Variants in INSL4 observed in about 807,000 individuals in gnomAD.
INSL4 encodes early placenta insulin-like peptide.
Under a neutral mutation model 6.5 loss-of-function variants are expected in INSL4, and 7 were observed. That is an observed-to-expected ratio of 1.08 (90% CI 0.61 to 2.02). The LOEUF (loss-of-function observed/expected upper bound fraction) is 2.02. INSL4 is among the 30% of genes most tolerant of loss of function. The pLI, the probability that INSL4 is intolerant of heterozygous loss-of-function variation, is 0.00. For synonymous variants in INSL4, 82 were observed against 65.8 expected, an observed-to-expected ratio of 1.25 and a Z score of -1.19; for missense variants, 226 against 163.2, an observed-to-expected ratio of 1.38 and a Z score of -2.09.
rs12720 is a variant in INSL4, at chr9:5,231,712, T to A, written c.189T>A (p.Arg63=). ...TPGGWLLESG[R]PKEMVSTSNN... The stretch of plus-strand genomic sequence containing the variant: ...GAGGGTGGCTGCTGGAATCTGGACG[T>A]CCCAAAGGTGAGAGCCCTGGACTAC... The change falls in exon 1 of 2, where the codon CGT becomes CGA. Residue 63 remains arginine, a synonymous_variant. Coordinates refer to ENST00000239316, the MANE Select transcript of INSL4 (RefSeq NM_002195.2). 471,351 of 1,612,428 alleles carry A rather than the reference T, an allele frequency of 0.29. 75,891 individuals are homozygous for A. Among genetic ancestry groups the A allele is most frequent in the African/African-American group, 0.68 (50,565 of 74,880 alleles).
rs1293045611 is a variant in INSL4, at chr9:5,235,118, G to C, written c.*1241G>C. The C allele has an allele frequency of 6.5e-6, 1 of 152,868 alleles. No homozygotes were observed. Among genetic ancestry groups the C allele is most frequent in the Non-Finnish European group, 1.5e-5 (1 of 68,042 alleles). The allele number at this position is 152,868 out of a possible 1,614,324, so 9.5% of individuals were successfully genotyped here. ...CAAAAAGGGACAAGTAGAAGCCCAG[G>C]AAAATGCACAAAGGCCTGGAAGCAT... is the stretch of plus-strand genomic sequence containing the variant. On this transcript the variant is annotated 3_prime_UTR_variant, in exon 2 of 2. Transcript: ENST00000239316.
At position 5,233,983 on chromosome 9, in the gene INSL4, CATT is replaced by C. The variant is rs1474719421; in HGVS notation, c.*111_*113del. The C allele has an allele frequency of 1.7e-5, 13 of 752,860 alleles. No homozygotes were observed. The highest frequency in any genetic ancestry group is 2.7e-5 in the Non-Finnish European group (12 of 444,600). 46.6% of individuals were successfully genotyped at this position (752,860 alleles called of 1,614,324 possible). On this transcript the variant is annotated 3_prime_UTR_variant, in exon 2 of 2. Coordinates refer to ENST00000239316, the MANE Select transcript of INSL4 (RefSeq NM_002195.2). ...TTGCTGTTTATTAGAACATGAGAAT[CATT>C]ATTAGTATTCACATGTTTCACTTGC... is the stretch of plus-strand genomic sequence containing the variant.
intron 1 of INSL4, among the ~76,000 whole-genome samples, chr9:5,233,348 A>G (rs1264982262): frequency 6.6e-6 from 1 of 152,168 alleles, no homozygotes; most frequent in Non-Finnish European, 1.5e-5. Context: ...CATTGAGGTT[A>G]TCAATCAAAA....
Position 5,233,890 on chromosome 9 carries a change from G to T in INSL4, c.*13G>T. 6.5e-7 allele frequency: 1 copy of T among 1,536,336 alleles called. No homozygotes were observed. Among genetic ancestry groups the T allele is most frequent in the Non-Finnish European group, 9.0e-7 (1 of 1,110,032 alleles). On this transcript the variant is annotated 3_prime_UTR_variant, in exon 2 of 2. Transcript: ENST00000239316. Reference sequence around the variant, plus strand: ...ATTATGTACATAGTAGAGTAATCATGGACTGGACATCTCATCCATTCTCAT... The same window carrying T: ...ATTATGTACATAGTAGAGTAATCATTGACTGGACATCTCATCCATTCTCAT...
chr9:5,233,932 A>G lies in INSL4; in HGVS notation c.*55A>G. ...CATTCTCATATGTATTCTCAATGAC[A>G]AATTCACTGATGCCCAATTAAATGA... On this transcript the variant is annotated 3_prime_UTR_variant, in exon 2 of 2. Transcript: ENST00000239316. 1 of 1,132,604 alleles carries G rather than the reference A, an allele frequency of 8.8e-7. No individual in the cohort carries two copies. Among genetic ancestry groups the G allele is most frequent in the South Asian group, 1.3e-5 (1 of 77,330 alleles). The allele number at this position is 1,132,604 out of a possible 1,614,324, so 70.2% of individuals were successfully genotyped here. A position where few individuals can be genotyped will look rare whatever the true frequency, so the allele number is the denominator to read the frequency against.
Position 5,231,727 on chromosome 9 carries a change from C to A in INSL4, c.196+8C>A. ...AATCTGGACGTCCCAAAGGTGAGAG[C>A]CCTGGACTACCAAACAATCAGAATG... On this transcript the variant is annotated splice_region_variant and intron_variant, in intron 1 of 1. Coordinates refer to ENST00000239316, the MANE Select transcript of INSL4 (RefSeq NM_002195.2). The A allele has an allele frequency of 6.2e-7, 1 of 1,611,534 alleles. No individual in the cohort carries two copies. The highest frequency in any genetic ancestry group is 1.7e-5 in the Admixed American group (1 of 59,902).
chr9:5,233,418 T>A (rs948259339), intron 1 of INSL4, among the ~76,000 whole-genome samples: 1 of 151,904 alleles, frequency 6.6e-6, no homozygotes, highest in Non-Finnish European at 1.5e-5. Flanking sequence ...ATTAGAAGAG[T>A]GCATAGAGGG....
chr9:5,233,816 T>C lies in INSL4; in HGVS notation c.359T>C (p.Phe120Ser), dbSNP rs762856645. The C allele has an allele frequency of 4.3e-6, 7 of 1,613,720 alleles. No individual in the cohort carries two copies. The East Asian group carries it at 1.6e-4, about 36-fold the overall frequency. The change falls in exon 2 of 2, where the codon TTT becomes TCT. Residue 120 changes from phenylalanine (F) to serine (S), a missense_variant. Phe to Ser is a radical substitution (Grantham distance 155). Transcript: ENST00000239316. ...SRKKRSGRHRFDPFCCEVICD... is the reference protein window; with the variant it reads ...SRKKRSGRHRSDPFCCEVICD... ...AAAAAGAGAAGTGGACGTCACAGATTTGATCCATTCTGTTGTGAAGTAATT... is the reference window on the plus strand; with the variant it reads ...AAAAAGAGAAGTGGACGTCACAGATCTGATCCATTCTGTTGTGAAGTAATT...
chr9:5,232,659 T>C (rs1826165513), intron 1 of INSL4, among the ~76,000 whole-genome samples: 1 of 152,214 alleles, frequency 6.6e-6, no homozygotes, highest in African/African-American at 2.4e-5. Flanking sequence ...AAGTTAAAAC[T>C]AGCAGGGGCA....
rs559138004 is a variant in INSL4 at position 5,233,857 on chromosome 9, T to C, written c.400T>C (p.Ser134Pro). The change falls in exon 2 of 2, where the codon TCA (serine) becomes CCA (proline). Residue 134 changes from serine to proline, a missense_variant. By Grantham distance (74) the Ser-to-Pro change is moderately conservative (BLOSUM62 -1). Coordinates refer to ENST00000239316, the MANE Select transcript of INSL4 (RefSeq NM_002195.2). ...TGAAGTAATTTGTGACGATGGAACT[T>C]CAGTTAAATTATGTACATAGTAGAG... ...CCEVICDDGT[S>P]VKLCT 2.4e-5 allele frequency: 39 copies of C among 1,611,302 alleles called. No homozygotes were observed. The South Asian group carries it at 3.6e-4, about 15-fold the overall frequency.
chr9:5,233,939 C>A lies in INSL4; in HGVS notation c.*62C>A. 1 of 1,066,646 alleles carries A rather than the reference C, an allele frequency of 9.4e-7. No homozygotes were observed. Among genetic ancestry groups the A allele is most frequent in the South Asian group, 1.3e-5 (1 of 74,768 alleles). 66.1% of individuals were successfully genotyped at this position (1,066,646 alleles called of 1,614,324 possible). On this transcript the variant is annotated 3_prime_UTR_variant, in exon 2 of 2. Coordinates refer to ENST00000239316, the MANE Select transcript of INSL4 (RefSeq NM_002195.2). Reference sequence around the variant, plus strand: ...ATATGTATTCTCAATGACAAATTCACTGATGCCCAATTAAATGATTGCTGT... The same window carrying A: ...ATATGTATTCTCAATGACAAATTCAATGATGCCCAATTAAATGATTGCTGT...
chr9:5,232,034 C>G (rs373065200), intron 1 of INSL4, among the ~76,000 whole-genome samples: 11 of 152,180 alleles, frequency 7.2e-5, no homozygotes, highest in African/African-American at 2.6e-4. Flanking sequence ...TTCTCAAACA[C>G]CAGCAGGAGG....
rs778257842 is a variant in INSL4, at chr9:5,233,791, A to C, written c.334A>C (p.Lys112Gln). The C allele has an allele frequency of 1.2e-6, 2 of 1,613,628 alleles. No individual in the cohort carries two copies. Among genetic ancestry groups the C allele is most frequent in the African/African-American group, 2.7e-5 (2 of 74,914 alleles). The change falls in exon 2 of 2, where the codon AAA becomes CAA. Residue 112 changes from lysine (K) to glutamine (Q), a missense_variant. By Grantham distance (53) the Lys-to-Gln change is moderately conservative (BLOSUM62 1). Coordinates refer to ENST00000239316, the MANE Select transcript of INSL4 (RefSeq NM_002195.2). ...ATTGAAGAAAATAATACTTTCCCGC[A>C]AAAAGAGAAGTGGACGTCACAGATT... The part of the protein sequence containing the change: ...PSLKKIILSR[K>Q]KRSGRHRFDP...
At chr9:5,233,003 C>T (rs1826170866) in intron 1 of INSL4, among the ~76,000 whole-genome samples, 1 of 152,066 alleles carries the variant, frequency 6.6e-6, no homozygotes, top group Admixed American at 6.6e-5. Flanking sequence ...ACCACAAAGT[C>T]CAAACAATTT....
chr9:5,233,529 T>C, intron 1 of INSL4, 125 bp from the exon 2 acceptor site: 2 of 672,648 alleles, frequency 3.0e-6, no homozygotes, highest in Non-Finnish European at 2.6e-6. Flanking sequence ...TTGCTGATTC[T>C]CTCTGGTGTT....
chr9:5,232,959 C>G (rs1474044866), intron 1 of INSL4, among the ~76,000 whole-genome samples: 4 of 152,084 alleles, frequency 2.6e-5, no homozygotes, highest in Non-Finnish European at 4.4e-5. Flanking sequence ...TTAGTCAGAG[C>G]TTGTTTCATT....
intron 1 of INSL4, 58 bp downstream of exon 1, chr9:5,231,777 T>C (rs1239440650): frequency 1.4e-6 from 2 of 1,464,776 alleles, no homozygotes; most frequent in African/African-American, 1.4e-5. Context: ...AGGCTCCAGA[T>C]CTCATTGACT....
In INSL4 at chr9:5,231,515, A is replaced by T. The variant is rs766914174; in HGVS notation, c.-9A>T. The T allele has an allele frequency of 1.9e-6, 3 of 1,611,148 alleles. No individual in the cohort carries two copies. In the African/African-American group the frequency reaches 4.0e-5, roughly 22 times the overall value. On this transcript the variant is annotated 5_prime_UTR_variant, in exon 1 of 2. Coordinates refer to ENST00000239316, the MANE Select transcript of INSL4 (RefSeq NM_002195.2). ...GAGAACACCCAGAACAGGAGAGTTC[A>T]GGTCCAGGATGGCCAGCCTGTTCCG...
In INSL4 at chr9:5,234,630, C is replaced by T. The variant is rs566925533; in HGVS notation, c.*753C>T. On this transcript the variant is annotated 3_prime_UTR_variant, in exon 2 of 2. Transcript: ENST00000239316. The stretch of plus-strand genomic sequence containing the variant: ...CTGGCATTACTCCACATCCCCTCAT[C>T]AAAGTGGTGAATTGGCACAAATACT... The T allele has an allele frequency of 2.4e-4, 37 of 152,666 alleles. No homozygotes were observed. The highest frequency in any genetic ancestry group is 8.7e-4 in the African/African-American group (36 of 41,586). The allele number at this position is 152,666 out of a possible 1,614,324, so 9.5% of individuals were successfully genotyped here.
Sources: gnomAD v4.1 joint callset for allele counts (sites outside exome capture counted in the v4.1 genomes callset) on GRCh38, gnomAD v4.1.1 for gene constraint, MANE v1.5 for transcripts, NCBI Gene and HGNC (gene_info 2026-07-23, HGNC 2026-07-21) for gene names.